SNRPB: variants seen among roughly 807,000 people sequenced by gnomAD.
SNRPB encodes small nuclear ribonucleoprotein polypeptides B and B1.
A neutral mutation model predicts 26.6 loss-of-function variants in SNRPB; 5 were observed. That is an observed-to-expected ratio of 0.19 (90% CI 0.10 to 0.39). The LOEUF (loss-of-function observed/expected upper bound fraction) is 0.39. Among genes scored for constraint, SNRPB ranks in the 10% least tolerant of loss-of-function variants. The pLI is 1.00. For synonymous variants in SNRPB, 122 were observed against 105.8 expected, an observed-to-expected ratio of 1.15 and a Z score of -0.94; for missense variants, 211 against 311.9, an observed-to-expected ratio of 0.68 and a Z score of 2.44.
In SNRPB at chr20:2,467,636, G is replaced by A; in HGVS notation, c.126C>T (p.Leu42=). ...KAFDKHMNLI[L]CDCDEFRKIK... is the part of the protein sequence containing the mutation. ...TCTTTCTGAACTCATCACAGTCACA[G>A]AGGATCAAATTCATGTGCTTGTCAA... The change falls in exon 2 of 7, where the codon CTC becomes CTT. Residue 42 remains leucine (L), a synonymous_variant. Transcript: ENST00000381342. The A allele has an allele frequency of 6.2e-7, 1 of 1,614,162 alleles. No individual in the cohort carries two copies. The highest frequency in any genetic ancestry group is 2.2e-5 in the East Asian group (1 of 44,876).
intron 2 of SNRPB, among the ~76,000 whole-genome samples, chr20:2,466,781 G>A (rs1027065246): frequency 3.3e-5 from 5 of 152,054 alleles, no homozygotes; most frequent in South Asian, 2.1e-4. Flanking sequence ...GTAGCTCCAC[G>A]CTCATCTGTT....
Position 2,463,784 on chromosome 20 carries a change from G to C in SNRPB, c.383C>G (p.Ala128Gly). The change falls in exon 4 of 7, where the codon GCT (alanine) becomes GGT (glycine). Residue 128 changes from alanine to glycine, a missense_variant. Transcript: ENST00000381342. This position sits in a 1 kb window ranked among gnomAD's most constrained non-coding sequence, Gnocchi z 5.0. The part of the protein sequence containing the change: ...VPMPQAPAGL[A>G]GPVRGVGGPS... ...CCCGCCAACCCCACGGACTGGCCCAGCAAGTCCTGCAGGAGCCTGGGGCAT... is the reference window on the plus strand; with the variant it reads ...CCCGCCAACCCCACGGACTGGCCCACCAAGTCCTGCAGGAGCCTGGGGCAT... The C allele has an allele frequency of 6.2e-7, 1 of 1,609,624 alleles. No homozygotes were observed. Among genetic ancestry groups the C allele is most frequent in the South Asian group, 1.1e-5 (1 of 90,686 alleles).
chr20:2,467,792 C>T (rs2085084506), intron 1 of SNRPB, 34 bp from the exon 2 acceptor site: 1 of 1,604,362 alleles, frequency 6.2e-7, no homozygotes. Flanking sequence ...TGAGACTCTG[C>T]TCTTTTGGAC....
At chr20:2,467,236 T>A in intron 2 of SNRPB, 1 of 466,390 alleles carries the variant, frequency 2.1e-6, no homozygotes, top group Non-Finnish European at 4.3e-6. Context: ...CAGACCAGGC[T>A]GCATTGGGAG....
Position 2,463,977 on chromosome 20 carries a change from G to A in SNRPB, c.268-78C>T, listed in dbSNP as rs1292048852. 1.6e-6 allele frequency: 2 copies of A among 1,265,090 alleles called. No individual in the cohort carries two copies. Among genetic ancestry groups the A allele is most frequent in the South Asian group, 1.2e-5 (1 of 81,692 alleles). The allele number at this position is 1,265,090 out of a possible 1,614,324, so 78.4% of individuals were successfully genotyped here. A position where few individuals can be genotyped will look rare whatever the true frequency, so the allele number is the denominator to read the frequency against. ...ATACTTTGGAATATCATTGCCAAGA[G>A]AGCCCCTCGAAATAGCTTATAAATA... On this transcript the variant is annotated intron_variant, in intron 3 of 6. Transcript: ENST00000381342. This position sits in a 1 kb window ranked among gnomAD's most constrained non-coding sequence, Gnocchi z 5.0.
rs897606006 is a variant in SNRPB, at chr20:2,461,845, A to T, written c.*84T>A. On this transcript the variant is annotated 3_prime_UTR_variant, in exon 7 of 7. Coordinates refer to ENST00000381342, the MANE Select transcript of SNRPB (RefSeq NM_003091.4). The stretch of plus-strand genomic sequence containing the variant: ...GAGACTCCACGAACAACAGCATAAG[A>T]AACAAACAGGTCTGTGGTAACGTGG... 1.9e-6 allele frequency: 3 copies of T among 1,613,896 alleles called. No individual in the cohort carries two copies. Among genetic ancestry groups the T allele is most frequent in the Non-Finnish European group, 2.5e-6 (3 of 1,179,902 alleles).
In SNRPB at chr20:2,470,675, G is replaced by C; in HGVS notation, c.3+13C>G. The C allele has an allele frequency of 6.2e-7, 1 of 1,613,626 alleles. No individual in the cohort carries two copies. Among genetic ancestry groups the C allele is most frequent in the Non-Finnish European group, 8.5e-7 (1 of 1,179,992 alleles). On this transcript the variant is annotated intron_variant, in intron 1 of 6. Transcript: ENST00000381342. ...TCGGAAGCTCCCGCGCCGCCAGCCT[G>C]TGCCCTCCTTACCATGGTGGCGGTT...
Position 2,462,676 on chromosome 20 carries a change from C to A in SNRPB, c.645G>T (p.Met215Ile), listed in dbSNP as rs542141818. The stretch of plus-strand genomic sequence containing the variant: ...GAGGAGGCCGCATTCCCGGAGGGGG[C>A]ATGCCCATTGGAGTCCCTCTTCCAG... ...IPPGRGTPMG[M>I]PPPGMRPPPP... is the part of the protein sequence containing the mutation. The change falls in exon 6 of 7, where the codon ATG (methionine) becomes ATT (isoleucine). Residue 215 changes from methionine (M) to isoleucine (I), a missense_variant. Coordinates refer to ENST00000381342, the MANE Select transcript of SNRPB (RefSeq NM_003091.4). The A allele has an allele frequency of 6.2e-7, 1 of 1,608,434 alleles. No homozygotes were observed. Among genetic ancestry groups the A allele is most frequent in the Non-Finnish European group, 8.5e-7 (1 of 1,175,104 alleles).
intron 1 of SNRPB, among the ~76,000 whole-genome samples, chr20:2,469,384 A>G (rs2122496352): frequency 6.6e-6 from 1 of 152,252 alleles, no homozygotes. Context: ...AGCTTATGTC[A>G]TTTTGCTGGT....
rs946127730 is a variant in SNRPB, at chr20:2,465,765, C to T, written c.210G>A (p.Val70=). The T allele has an allele frequency of 6.2e-7, 1 of 1,613,806 alleles. No individual in the cohort carries two copies. The highest frequency in any genetic ancestry group is 8.5e-7 in the Non-Finnish European group (1 of 1,179,970). The change falls in exon 3 of 7, where the codon GTG becomes GTA. Residue 70 remains valine, a synonymous_variant. Coordinates refer to ENST00000381342, the MANE Select transcript of SNRPB (RefSeq NM_003091.4). ...AGACCAGATTCTCCCCTCGCAGCAG[C>T]ACCAGACCGAGGACTCGCTTCTCTT... The part of the protein sequence containing the change: ...EREEKRVLGL[V]LLRGENLVSM...
chr20:2,465,939 A>C (rs1439216447), intron 2 of SNRPB, 120 bp from the exon 3 acceptor site: 2 of 700,824 alleles, frequency 2.9e-6, no homozygotes, highest in African/African-American at 3.5e-5. Flanking sequence ...AAACTTTCCC[A>C]AGATAGCCCT....
chr20:2,467,528 T>A (rs1439838823), intron 2 of SNRPB, 79 bp downstream of exon 2: 2 of 1,353,238 alleles, frequency 1.5e-6, no homozygotes, highest in Admixed American at 1.8e-5. Context: ...ACTAGCTACA[T>A]CACCACCTCT....
chr20:2,465,952 T>C (rs1316561892), intron 2 of SNRPB, 133 bp from the exon 3 acceptor site: 5 of 662,572 alleles, frequency 7.5e-6, no homozygotes, highest in Middle Eastern at 2.6e-4. Flanking sequence ...ATAGCCCTCC[T>C]GGATAGTCTC....
chr20:2,463,189 A>G lies in SNRPB; in HGVS notation c.459T>C (p.Ala153=). The change falls in exon 5 of 7, where the codon GCT becomes GCC. Residue 153 remains alanine (A), a synonymous_variant. Transcript: ENST00000381342. This position sits in a 1 kb window ranked among gnomAD's most constrained non-coding sequence, Gnocchi z 5.0. ...TPQGRGTVAA[A]AAAATASIAG... is the part of the protein sequence containing the mutation. ...CAATACTGGCTGTGGCAGCAGCTGCAGCGGCTGCAACAGTACCTCTTCCTT... is the reference window on the plus strand; with the variant it reads ...CAATACTGGCTGTGGCAGCAGCTGCGGCGGCTGCAACAGTACCTCTTCCTT... 6.2e-7 allele frequency: 1 copy of G among 1,613,062 alleles called. No homozygotes were observed. The highest frequency in any genetic ancestry group is 8.5e-7 in the Non-Finnish European group (1 of 1,179,178).
chr20:2,466,653 T>C (rs1019572387), intron 2 of SNRPB, among the ~76,000 whole-genome samples: 1 of 152,174 alleles, frequency 6.6e-6, no homozygotes, highest in African/African-American at 2.4e-5. Context: ...CCATGTATTG[T>C]CCTTTCATAA....
chr20:2,463,985 C>G lies in SNRPB; in HGVS notation c.268-86G>C, dbSNP rs1200411803. On this transcript the variant is annotated intron_variant, in intron 3 of 6. Coordinates refer to ENST00000381342, the MANE Select transcript of SNRPB (RefSeq NM_003091.4). This position sits in a 1 kb window ranked among gnomAD's most constrained non-coding sequence, Gnocchi z 5.0. The stretch of plus-strand genomic sequence containing the variant: ...GAATATCATTGCCAAGAGAGCCCCT[C>G]GAAATAGCTTATAAATACTATCGAA... 11 of 1,137,792 alleles carry G rather than the reference C, an allele frequency of 9.7e-6. No homozygotes were observed. The East Asian group carries it at 2.6e-4, about 27-fold the overall frequency. 70.5% of individuals were successfully genotyped at this position (1,137,792 alleles called of 1,614,324 possible). A position where few individuals can be genotyped will look rare whatever the true frequency, so the allele number is the denominator to read the frequency against.
At chr20:2,461,999 G>A in intron 6 of SNRPB, 60 bp from the exon 7 acceptor site, 1 of 1,268,534 alleles carries the variant, frequency 7.9e-7, no homozygotes, top group Non-Finnish European at 1.1e-6. Flanking sequence ...CCCCAACCCT[G>A]CCCCAGCCTC....
intron 3 of SNRPB, 22 bp downstream of exon 3, chr20:2,465,685 CA>C: frequency 6.5e-7 from 1 of 1,538,336 alleles, no homozygotes; most frequent in Non-Finnish European, 9.0e-7. Context: ...CCCTCCTCCA[CA>C]AGGCTTCCTG....
intron 6 of SNRPB, among the ~76,000 whole-genome samples, 190 bp from the exon 7 acceptor site, chr20:2,462,129 A>T (rs2085038853): frequency 6.6e-6 from 1 of 152,170 alleles, no homozygotes; most frequent in Admixed American, 6.5e-5. Flanking sequence ...AATAATCCAG[A>T]CTAGAGAAAC....
Sources: allele counts gnomAD v4.1 joint callset (sites outside exome capture counted in the v4.1 genomes callset), GRCh38; gene constraint gnomAD v4.1.1; non-coding constraint Gnocchi (gnomAD v3.1); transcripts MANE v1.5; gene names NCBI Gene and HGNC (gene_info 2026-07-23, HGNC 2026-07-21).